TLN2: variants seen among roughly 807,000 people sequenced by gnomAD.
The protein encoded by TLN2 is talin 2, also known as talin-2.
TLN2 carries 118 observed loss-of-function variants against 294.7 expected under a neutral mutation model. The observed-to-expected ratio is 0.40, with a 90% CI of 0.34 to 0.47. The LOEUF is 0.47. Ranked by LOEUF, TLN2 falls within the 20% of genes least tolerant of loss-of-function variation. TLN2 has a pLI of 0.84. For missense variants in TLN2, 3,083 were observed against 3,282.2 expected (o/e 0.94, Z 1.48); for synonymous variants, 1,431 against 1,304.5 (o/e 1.10, Z -2.09).
chr15:62,409,148 G>A (rs2033614064), intron 1 of TLN2, among the ~76,000 whole-genome samples: 1 of 148,590 alleles, frequency 6.7e-6, no homozygotes, highest in African/African-American at 2.5e-5. Context: ...GACTGTTGGG[G>A]ATTTTTTTTT....
chr15:62,819,713 G>A, intron 53 of TLN2, 92 bp downstream of exon 53: 2 of 1,132,586 alleles, frequency 1.8e-6, no homozygotes, highest in Non-Finnish European at 2.5e-6. Flanking sequence ...AGACGGCAAT[G>A]GCCTTTAGCT....
intron 1 of TLN2, among the ~76,000 whole-genome samples, chr15:62,514,979 G>A (rs530554691): frequency 2.0e-5 from 3 of 152,154 alleles, no homozygotes; most frequent in Non-Finnish European, 4.4e-5. Flanking sequence ...AGAGGAGCAG[G>A]TATGAGGCAA....
Position 62,762,269 on chromosome 15 carries a change from C to T in TLN2, c.4780-3C>T. The T allele has an allele frequency of 6.2e-7, 1 of 1,614,066 alleles. No individual in the cohort carries two copies. The highest frequency in any genetic ancestry group is 8.5e-7 in the Non-Finnish European group (1 of 1,179,956). On this transcript the variant is annotated splice_polypyrimidine_tract_variant and splice_region_variant and intron_variant, in intron 38 of 58. Coordinates refer to ENST00000636159, the MANE Select transcript of TLN2 (RefSeq NM_015059.3). Reference sequence around the variant, plus strand: ...CTTTGATTTCTCTGCTGTTTGGTCTCAGGGTTCCCAGGCACAGGAACCAAT... The same window carrying T: ...CTTTGATTTCTCTGCTGTTTGGTCTTAGGGTTCCCAGGCACAGGAACCAAT...
chr15:62,726,957 G>T (rs1238101212), intron 27 of TLN2, 130 bp from the exon 28 acceptor site: 14 of 903,584 alleles, frequency 1.5e-5, no homozygotes, highest in Non-Finnish European at 2.4e-5. Flanking sequence ...ACCCTGCTGC[G>T]GCTTAGTGCC....
At chr15:62,550,491 C>T (rs1252131354) in intron 1 of TLN2, among the ~76,000 whole-genome samples, 1 of 152,100 alleles carries the variant, frequency 6.6e-6, no homozygotes, top group African/African-American at 2.4e-5. Flanking sequence ...CTACAAATTG[C>T]TTGATTCATT....
At chr15:62,686,524 CCCTA>C in intron 11 of TLN2, 113 bp from the exon 12 acceptor site, 3 of 1,263,222 alleles carry the variant, frequency 2.4e-6, no homozygotes, top group Non-Finnish European at 2.2e-6. Flanking sequence ...TTCCCTATAG[CCCTA>C]CCTGTTTTGA....
chr15:62,477,117 G>A (rs1052068508), intron 1 of TLN2, among the ~76,000 whole-genome samples: 1 of 152,196 alleles, frequency 6.6e-6, no homozygotes, highest in Non-Finnish European at 1.5e-5. Context: ...CATGAAGAAA[G>A]ACGAGATCAA....
At chr15:62,821,009 T>C (rs890683729) in intron 54 of TLN2, among the ~76,000 whole-genome samples, 1 of 152,204 alleles carries the variant, frequency 6.6e-6, no homozygotes, top group African/African-American at 2.4e-5. Context: ...CAGAGGGCAA[T>C]GAGAACTTCA....
rs991425737 is a variant in TLN2 at position 62,688,026 on chromosome 15, T to G, written c.1113+1230T>G. ...GAAAGTGGTTACCTTTGGAGAGGTA[T>G]GTGGTAGAAAGTGAAGTTGGGAATG... On this transcript the variant is annotated intron_variant, in intron 12 of 58. Coordinates refer to ENST00000636159, the MANE Select transcript of TLN2 (RefSeq NM_015059.3). 7.9e-5 allele frequency: 12 copies of G among 152,218 alleles called. 1 individual carries two copies. Among genetic ancestry groups the G allele is most frequent in the Admixed American group, 3.9e-4 (6 of 15,286 alleles). The allele number at this position is 152,218 out of a possible 1,614,324, so 9.4% of individuals were successfully genotyped here.
At chr15:62,720,042 G>A (rs538180934) in intron 25 of TLN2, among the ~76,000 whole-genome samples, 162 bp downstream of exon 25, 1 of 152,380 alleles carries the variant, frequency 6.6e-6, no homozygotes, top group South Asian at 2.1e-4. Flanking sequence ...AGGAGAGGTG[G>A]GTTCAGCTTG....
At chr15:62,649,035 A>G (rs1393229817) in intron 4 of TLN2, among the ~76,000 whole-genome samples, 1 of 151,780 alleles carries the variant, frequency 6.6e-6, no homozygotes, top group Non-Finnish European at 1.5e-5. Flanking sequence ...TTTTGTAGAT[A>G]CAAGGTCTTG....
Position 62,843,883 on chromosome 15 carries a change from G to T in TLN2, c.*3273G>T, listed in dbSNP as rs1308574698. ...GCCTTGGTTTCCTCCCTGGCAGATAGTCCCCAGAATCTTCTCTCCCAGCTT... is the reference window on the plus strand; with the variant it reads ...GCCTTGGTTTCCTCCCTGGCAGATATTCCCCAGAATCTTCTCTCCCAGCTT... On this transcript the variant is annotated 3_prime_UTR_variant, in exon 59 of 59. Coordinates refer to ENST00000636159, the MANE Select transcript of TLN2 (RefSeq NM_015059.3). 1.3e-5 allele frequency: 2 copies of T among 152,158 alleles called. No individual in the cohort carries two copies. The highest frequency in any genetic ancestry group is 4.8e-5 in the African/African-American group (2 of 41,424). The allele number at this position is 152,158 out of a possible 1,614,324, so 9.4% of individuals were successfully genotyped here.
chr15:62,428,417 G>A (rs1432692065), intron 1 of TLN2, among the ~76,000 whole-genome samples: 1 of 152,210 alleles, frequency 6.6e-6, no homozygotes, highest in African/African-American at 2.4e-5. Context: ...TTTGCGTTTA[G>A]TGTAGACGTA....
At chr15:62,409,855 C>A (rs2033656964) in intron 1 of TLN2, among the ~76,000 whole-genome samples, 1 of 152,168 alleles carries the variant, frequency 6.6e-6, no homozygotes, top group Admixed American at 6.6e-5. Flanking sequence ...CTGTGCTTTG[C>A]AGATGTTTCC....
rs563480131 is a variant in TLN2 at position 62,400,821 on chromosome 15, T to G, written c.-238+10136T>G. Among the ~76,000 whole-genome samples the G allele has an allele frequency of 4.0e-5, 6 of 150,472 alleles. No homozygotes were observed. The South Asian group carries it at 1.3e-3, about 32-fold the overall frequency. On this transcript the variant is annotated intron_variant, in intron 1 of 58. Transcript: ENST00000636159. Reference sequence around the variant, plus strand: ...AGGGGTTATGTTTCCGGTTTTTTTTTTTTTTTTTTTTTGAAGTAGGGTCTC... The same window carrying G: ...AGGGGTTATGTTTCCGGTTTTTTTTGTTTTTTTTTTTTGAAGTAGGGTCTC...
intron 3 of TLN2, among the ~76,000 whole-genome samples, chr15:62,631,681 C>G (rs1424187888): frequency 1.6e-5 from 2 of 122,208 alleles, no homozygotes; most frequent in African/African-American, 6.4e-5. Context: ...TTCCTCCTCT[C>G]TTTCTGTCTT....
chr15:62,397,398 C>T (rs2032638770), intron 1 of TLN2, among the ~76,000 whole-genome samples: 1 of 152,172 alleles, frequency 6.6e-6, no homozygotes, highest in African/African-American at 2.4e-5. Flanking sequence ...ACTGTGGCTA[C>T]AGGAACTTGC....
chr15:62,643,330 A>G (rs2051369105), intron 3 of TLN2, among the ~76,000 whole-genome samples: 1 of 150,932 alleles, frequency 6.6e-6, no homozygotes, highest in African/African-American at 2.4e-5. Context: ...GCCAGAAGTG[A>G]GAAGGCAACC....
chr15:62,505,650 A>G (rs2039576593), intron 1 of TLN2, among the ~76,000 whole-genome samples: 1 of 152,132 alleles, frequency 6.6e-6, no homozygotes, highest in Non-Finnish European at 1.5e-5. Context: ...TTACGCACAA[A>G]TATGTTAGGT....
Sources: allele counts gnomAD v4.1 joint callset (sites outside exome capture counted in the v4.1 genomes callset), GRCh38; gene constraint gnomAD v4.1.1; transcripts MANE v1.5; gene names NCBI Gene and HGNC (gene_info 2026-07-23, HGNC 2026-07-21).